The following MAF variants were observed in gnomAD, a reference collection of about 807,000 sequenced individuals.
MAF encodes the protein MAF bZIP transcription factor, also known as transcription factor Maf.
A neutral mutation model predicts 22.0 loss-of-function variants in MAF; 10 were observed. The observed-to-expected ratio is 0.45, with a 90% confidence interval of 0.28 to 0.77. The LOEUF (loss-of-function observed/expected upper bound fraction) is 0.77. Ranked by LOEUF, MAF falls within the 30% of genes least tolerant of loss-of-function variation. The pLI is 0.12. For missense variants in MAF, 544 were observed against 548.4 expected (o/e 0.99, Z 0.08); for synonymous variants, 337 against 255.8 (o/e 1.32, Z -3.03).
the MAF span, chr16:79,204,660 C>T: frequency 0.12 from 18,723 of 152,154 alleles, 1,206 homozygotes; most frequent in Middle Eastern, 0.2. Flanking sequence ...GCCCTGAGAG[C>T]GTACCAAGGT....
chr16:79,374,961 C>T, the MAF span, among the ~76,000 whole-genome samples: 2 of 152,260 alleles, frequency 1.3e-5, no homozygotes, highest in African/African-American at 4.8e-5. Flanking sequence ...GTGTTGTATA[C>T]ATAAGCTCAA....
chr16:79,337,549 C>G, the MAF span, among the ~76,000 whole-genome samples: 1 of 142,668 alleles, frequency 7.0e-6, no homozygotes, highest in Admixed American at 7.2e-5. Flanking sequence ...GCCTGGATGA[C>G]AGAGCGAGAT....
chr16:79,427,379 G>A, the MAF span, among the ~76,000 whole-genome samples: 103 of 152,320 alleles, frequency 6.8e-4, no homozygotes, highest in African/African-American at 2.1e-3. Context: ...TACATCAACA[G>A]GGCTTGAACA....
At chr16:79,238,985 CTTG>C in the MAF span, among the ~76,000 whole-genome samples, 1 of 151,994 alleles carries the variant, frequency 6.6e-6, no homozygotes, top group Non-Finnish European at 1.5e-5. Flanking sequence ...CCTGTCACAT[CTTG>C]TTGTCCTCAC....
chr16:79,474,453 G>C, the MAF span, among the ~76,000 whole-genome samples: 16 of 152,202 alleles, frequency 1.1e-4, no homozygotes, highest in African/African-American at 3.9e-4. Context: ...AAGCCAGCAA[G>C]GGTGGATGTT....
chr16:79,521,592 C>G, the MAF span, among the ~76,000 whole-genome samples: 1 of 152,156 alleles, frequency 6.6e-6, no homozygotes, highest in Non-Finnish European at 1.5e-5. Context: ...TAGTCAACAT[C>G]TCTTAGAAGA....
At chr16:79,339,227 G>A in the MAF span, among the ~76,000 whole-genome samples, 4 of 144,588 alleles carry the variant, frequency 2.8e-5, no homozygotes, top group Admixed American at 2.0e-4. Flanking sequence ...CCGCCACCAC[G>A]CCCGGCTAAA....
Position 79,598,686 on chromosome 16 carries a change from G to C in MAF, c.1118+99C>G. 3.2e-6 allele frequency: 5 copies of C among 1,568,298 alleles called. No individual in the cohort carries two copies. The South Asian group carries it at 5.8e-5, about 18-fold the overall frequency. On this transcript the variant is annotated intron_variant, in intron 1 of 1. Coordinates refer to ENST00000326043, the MANE Select transcript of MAF (RefSeq NM_005360.5). Reference sequence around the variant, plus strand: ...CGGTGGGGGTGGGGGTGGTGAGGTGGTGGCGAGCATGGCTCTAGAACTAGC... The same window carrying C: ...CGGTGGGGGTGGGGGTGGTGAGGTGCTGGCGAGCATGGCTCTAGAACTAGC...
the MAF span, among the ~76,000 whole-genome samples, chr16:79,492,214 A>G: frequency 6.6e-6 from 1 of 152,154 alleles, no homozygotes; most frequent in Admixed American, 6.5e-5. Context: ...CACATGAAGA[A>G]TGCAGGCAGG....
chr16:79,463,774 A>C, the MAF span, among the ~76,000 whole-genome samples: 5 of 152,290 alleles, frequency 3.3e-5, 1 homozygote, highest in South Asian at 1.0e-3. Context: ...TTTTAAAAAA[A>C]CATGCATCGA....
At chr16:79,569,276 C>A in the MAF span, among the ~76,000 whole-genome samples, 8 of 152,048 alleles carry the variant, frequency 5.3e-5, no homozygotes, top group African/African-American at 1.9e-4. Context: ...GGCCAGTGGC[C>A]CCCCTGCCTT....
chr16:79,473,998 A>G, the MAF span, among the ~76,000 whole-genome samples: 1 of 152,046 alleles, frequency 6.6e-6, no homozygotes, highest in Non-Finnish European at 1.5e-5. Context: ...TTTAGTAGGG[A>G]TGAGCATTCT....
At chr16:79,244,222 CA>C in the MAF span, among the ~76,000 whole-genome samples, 1 of 151,958 alleles carries the variant, frequency 6.6e-6, no homozygotes, top group South Asian at 2.1e-4. Flanking sequence ...CCAGGACAAT[CA>C]GACAAGAGAA....
At chr16:79,595,886 CT>C in intron 1 of MAF, 1 of 1,058,014 alleles carries the variant, frequency 9.5e-7, no homozygotes, top group Non-Finnish European at 1.1e-6. Context: ...AGTGGATTTT[CT>C]TTTTCCTATT....
the MAF span, among the ~76,000 whole-genome samples, chr16:79,338,504 C>A: frequency 3.4e-4 from 52 of 151,986 alleles, no homozygotes; most frequent in Non-Finnish European, 4.6e-4. Context: ...GCAAATCTCG[C>A]GGTTAAAGAT....
At chr16:79,331,260 G>C in the MAF span, among the ~76,000 whole-genome samples, 1 of 152,126 alleles carries the variant, frequency 6.6e-6, no homozygotes, top group African/African-American at 2.4e-5. Flanking sequence ...GTGTGTGACT[G>C]CCACTCCCAT....
At chr16:79,357,116 T>A in the MAF span, among the ~76,000 whole-genome samples, 1 of 152,160 alleles carries the variant, frequency 6.6e-6, no homozygotes, top group Non-Finnish European at 1.5e-5. Flanking sequence ...ATTAGCTGGA[T>A]GCAGTGGCAT....
chr16:79,211,043 GT>G, the MAF span, among the ~76,000 whole-genome samples: 6 of 151,782 alleles, frequency 4.0e-5, no homozygotes, highest in African/African-American at 1.5e-4. Flanking sequence ...GAGTGTGTGT[GT>G]GTGTGTGTGT....
chr16:79,562,328 C>T, the MAF span, among the ~76,000 whole-genome samples: 575 of 152,190 alleles, frequency 3.8e-3, 2 homozygotes, highest in African/African-American at 0.013. Flanking sequence ...ATTGATAGTC[C>T]CAGCATCTCA....
Sources: gnomAD v4.1 joint callset for allele counts (sites outside exome capture counted in the v4.1 genomes callset) on GRCh38, gnomAD v4.1.1 for gene constraint, MANE v1.5 for transcripts, NCBI Gene and HGNC (gene_info 2026-07-23, HGNC 2026-07-21) for gene names.